The following PCBP3 variants were observed in gnomAD, a reference collection of about 807,000 sequenced individuals.
The protein encoded by PCBP3 is poly(rC)-binding protein 3.
PCBP3 carries 25 observed loss-of-function variants against 52.7 expected under a neutral mutation model. That is an observed-to-expected ratio of 0.47 (90% CI 0.35 to 0.66). The LOEUF (loss-of-function observed/expected upper bound fraction) is 0.66. Among genes scored for constraint, PCBP3 ranks in the 30% least tolerant of loss-of-function variants. PCBP3 has a pLI of 0.01. For missense variants in PCBP3, 391 were observed against 490.3 expected (o/e 0.80, Z 1.91); for synonymous variants, 162 against 183.0 (o/e 0.89, Z 0.93).
intron 2 of PCBP3, among the ~76,000 whole-genome samples, chr21:45,717,156 G>T (rs964445263): frequency 6.6e-6 from 1 of 151,898 alleles, no homozygotes; most frequent in Non-Finnish European, 1.5e-5. Context: ...ATTGTTCATT[G>T]CTAGTGTACA....
At chr21:45,730,239 G>A (rs1052473218) in intron 2 of PCBP3, among the ~76,000 whole-genome samples, 4 of 151,350 alleles carry the variant, frequency 2.6e-5, no homozygotes, top group African/African-American at 9.7e-5. Context: ...TTTTTATTCA[G>A]GTCAAAATGC....
chr21:45,878,956 A>T (rs1483320747), intron 5 of PCBP3, among the ~76,000 whole-genome samples: 1 of 152,124 alleles, frequency 6.6e-6, no homozygotes. Context: ...GAAAAATAGG[A>T]ACTCTACGCA....
chr21:45,836,529 A>G (rs907954691), intron 4 of PCBP3: 6 of 150,528 alleles, frequency 4.0e-5, no homozygotes, highest in Admixed American at 6.6e-5. Flanking sequence ...CTCTGCTTGC[A>G]GTACTTGGCT....
In PCBP3 at chr21:45,807,254, G is replaced by T. The variant is rs777646796; in HGVS notation, c.-125-42707G>T. Among the ~76,000 whole-genome samples, 3 of 152,214 alleles carry T rather than the reference G, an allele frequency of 2.0e-5. No individual in the cohort carries two copies. In the South Asian group the frequency reaches 6.2e-4, roughly 31 times the overall value. On this transcript the variant is annotated intron_variant, in intron 4 of 17. Transcript: ENST00000681687. ...GAAGAAAGGAAGTCAAATTGTCTCT[G>T]TTTGCAGATGACATGATTGTATATT...
At chr21:45,730,956 G>A (rs902610845) in intron 2 of PCBP3, among the ~76,000 whole-genome samples, 1 of 151,922 alleles carries the variant, frequency 6.6e-6, no homozygotes, top group African/African-American at 2.4e-5. Flanking sequence ...TTATAGCGTG[G>A]TCTTGTTTTT....
At chr21:45,797,098 G>T (rs185216730) in intron 4 of PCBP3, among the ~76,000 whole-genome samples, 4 of 152,214 alleles carry the variant, frequency 2.6e-5, no homozygotes, top group Admixed American at 2.6e-4. Flanking sequence ...GAAACACATG[G>T]TACAGTATTT....
chr21:45,773,043 T>C (rs2089997172), intron 4 of PCBP3, among the ~76,000 whole-genome samples: 1 of 152,212 alleles, frequency 6.6e-6, no homozygotes, highest in Admixed American at 6.5e-5. Flanking sequence ...TTCACTCTGC[T>C]GATTGTTTTC....
rs890218235 is a variant in PCBP3 at position 45,800,509 on chromosome 21, T to C, written c.-126+45057T>C. On this transcript the variant is annotated intron_variant, in intron 4 of 17. Transcript: ENST00000681687. This position sits in a 1 kb window ranked among gnomAD's most constrained non-coding sequence, Gnocchi z 5.3. ...CGTGTCCTGAGGTGTGTGCCTGACC[T>C]GACCCTGAGGCCCCCTCCCTGCCAT... Among the ~76,000 whole-genome samples the C allele has an allele frequency of 6.6e-6, 1 of 152,180 alleles. No individual in the cohort carries two copies. Among genetic ancestry groups the C allele is most frequent in the Non-Finnish European group, 1.5e-5 (1 of 68,020 alleles).
At chr21:45,733,149 T>A (rs570415874) in intron 2 of PCBP3, among the ~76,000 whole-genome samples, 6 of 152,354 alleles carry the variant, frequency 3.9e-5, no homozygotes, top group African/African-American at 1.4e-4. Context: ...TATATTTTTT[T>A]AAATCTCAGA....
chr21:45,788,072 G>T lies in PCBP3; in HGVS notation c.-126+32620G>T, dbSNP rs2091282190. On this transcript the variant is annotated intron_variant, in intron 4 of 17. Coordinates refer to ENST00000681687, the MANE Select transcript of PCBP3 (RefSeq NM_001384156.1). The surrounding 1 kb of genome is among the most constrained non-coding windows in gnomAD (Gnocchi z 4.3). ...GGAGTTGACAGGAGGGCATAGCCAG[G>T]AACAGCTGGTGTCTCCTTACTGGGA... Among the ~76,000 whole-genome samples, 1 of 152,166 alleles carries T rather than the reference G, an allele frequency of 6.6e-6. No individual in the cohort carries two copies. Among genetic ancestry groups the T allele is most frequent in the Non-Finnish European group, 1.5e-5 (1 of 68,026 alleles).
At chr21:45,870,623 G>T (rs776600238) in intron 5 of PCBP3, among the ~76,000 whole-genome samples, 5 of 152,202 alleles carry the variant, frequency 3.3e-5, no homozygotes, top group Non-Finnish European at 7.4e-5. Context: ...ATGAGGCCTG[G>T]CCCTGCACCC....
intron 15 of PCBP3, 67 bp downstream of exon 15, chr21:45,930,912 G>C (rs1349525218): frequency 2.5e-6 from 4 of 1,598,026 alleles, no homozygotes; most frequent in Non-Finnish European, 3.4e-6. Context: ...GTGGGAGGAG[G>C]TGTGGGGGCC....
intron 13 of PCBP3, among the ~76,000 whole-genome samples, chr21:45,921,272 A>G (rs2074395782): frequency 6.6e-6 from 1 of 152,230 alleles, no homozygotes; most frequent in African/African-American, 2.4e-5. Context: ...TTTAATTTAT[A>G]ATGTAATTGA....
intron 4 of PCBP3, among the ~76,000 whole-genome samples, chr21:45,798,664 T>C (rs866278459): frequency 5.5e-5 from 8 of 145,876 alleles, no homozygotes; most frequent in Non-Finnish European, 1.2e-4. Flanking sequence ...ATAGAGAGAG[T>C]GAATGGATGT....
At position 45,788,620 on chromosome 21, in the gene PCBP3, C is replaced by T. The variant is rs1341563006; in HGVS notation, c.-126+33168C>T. ...GACCGTTCTCTTGAGGTTCTTAACCCTGAACTGCACCCGACTCCCATTGAC... is the reference window on the plus strand; with the variant it reads ...GACCGTTCTCTTGAGGTTCTTAACCTTGAACTGCACCCGACTCCCATTGAC... On this transcript the variant is annotated intron_variant, in intron 4 of 17. Coordinates refer to ENST00000681687, the MANE Select transcript of PCBP3 (RefSeq NM_001384156.1). This position sits in a 1 kb window ranked among gnomAD's most constrained non-coding sequence, Gnocchi z 4.3. 1 of 152,276 alleles carries T rather than the reference C, an allele frequency of 6.6e-6. No homozygotes were observed. Among genetic ancestry groups the T allele is most frequent in the Non-Finnish European group, 1.5e-5 (1 of 68,112 alleles). The allele number at this position is 152,276 out of a possible 1,614,324, so 9.4% of individuals were successfully genotyped here. A position where few individuals can be genotyped will look rare whatever the true frequency, so the allele number is the denominator to read the frequency against.
intron 11 of PCBP3, 198 bp downstream of exon 11, chr21:45,911,228 G>T (rs1390203117): frequency 7.4e-6 from 5 of 676,374 alleles, no homozygotes; most frequent in South Asian, 1.6e-5. Flanking sequence ...CCAGCTCAGG[G>T]TCCAGTGTCT....
At position 45,704,911 on chromosome 21, in the gene PCBP3, A is replaced by G. The variant is rs1182874298; in HGVS notation, c.-199-30481A>G. 1.3e-5 allele frequency among the ~76,000 whole-genome samples: 2 copies of G among 152,178 alleles called. No individual in the cohort carries two copies. The highest frequency in any genetic ancestry group is 2.4e-5 in the African/African-American group (1 of 41,446). On this transcript the variant is annotated intron_variant, in intron 2 of 17. Coordinates refer to ENST00000681687, the MANE Select transcript of PCBP3 (RefSeq NM_001384156.1). This position sits in a 1 kb window ranked among gnomAD's most constrained non-coding sequence, Gnocchi z 4.1. ...CAGTTGATTCTGGAGATAACCAAAT[A>G]CCAGCTTCCCTTTGGTCTCTGGAGC...
intron 4 of PCBP3, among the ~76,000 whole-genome samples, chr21:45,793,098 C>CAGCAGGAGAA (rs2091714705): frequency 6.6e-6 from 1 of 152,184 alleles, no homozygotes. Context: ...GGGAAACCAG[C>CAGCAGGAGAA]AGCAGGAGAA....
intron 2 of PCBP3, among the ~76,000 whole-genome samples, chr21:45,690,768 A>T (rs535818875): frequency 6.6e-6 from 1 of 152,306 alleles, no homozygotes; most frequent in South Asian, 2.1e-4. Context: ...AGGAGATATT[A>T]ATATCTATCA....
Sources: gnomAD v4.1 joint callset for allele counts (sites outside exome capture counted in the v4.1 genomes callset) on GRCh38, gnomAD v4.1.1 for gene constraint, Gnocchi (gnomAD v3.1) non-coding constraint, MANE v1.5 for transcripts, NCBI Gene and HGNC (gene_info 2026-07-23, HGNC 2026-07-21) for gene names.